USP4: variants seen among roughly 807,000 people sequenced by gnomAD.
USP4 encodes the protein ubiquitin carboxyl-terminal hydrolase 4.
A neutral mutation model predicts 118.2 loss-of-function variants in USP4; 72 were observed. The ratio of observed to expected loss-of-function variants is 0.61; its 90% CI spans 0.50 to 0.74. The LOEUF is 0.74. USP4 is among the 30% of genes least tolerant of loss of function. USP4 has a pLI of 0.00. For synonymous variants in USP4, 415 were observed against 440.4 expected, an observed-to-expected ratio of 0.94 and a Z score of 0.72; for missense variants, 1,037 against 1,185.7, an observed-to-expected ratio of 0.87 and a Z score of 1.84.
At position 49,311,625 on chromosome 3, in the gene USP4, G is replaced by A. The variant is rs1559473760; in HGVS notation, c.725C>T (p.Thr242Ile). The A allele has an allele frequency of 6.2e-7, 1 of 1,613,968 alleles. No homozygotes were observed. Among genetic ancestry groups the A allele is most frequent in the Non-Finnish European group, 8.5e-7 (1 of 1,179,912 alleles). The part of the protein sequence containing the change: ...KSSTAPSRNF[T>I]TSPKSSASPY... The stretch of plus-strand genomic sequence containing the variant: ...ACTTGCTGATGATTTTGGAGAGGTA[G>A]TAAAATTTCTGCTAGGCGCAGTGCT... Residue 242 changes from threonine to isoleucine, a missense_variant, in exon 7 of 22, where the codon ACT becomes ATT. This residue lies in a region of USP4 where 487 missense variants were observed against 534.1 expected (regional missense o/e 0.91). Coordinates refer to ENST00000265560, the MANE Select transcript of USP4 (RefSeq NM_003363.4).
chr3:49,290,802 A>G (rs1188297573), intron 15 of USP4, among the ~76,000 whole-genome samples: 3 of 152,038 alleles, frequency 2.0e-5, no homozygotes, highest in South Asian at 4.2e-4. Flanking sequence ...GGCATGAGCC[A>G]TCGCACCCGT....
At position 49,286,165 on chromosome 3, in the gene USP4, A is replaced by G. The variant is rs765621253; in HGVS notation, c.2133T>C (p.Leu711=). The change falls in exon 16 of 22, where the codon CTT becomes CTC. Residue 711 remains leucine, a synonymous_variant. Transcript: ENST00000265560. Reference sequence around the variant, plus strand: ...TGTCAGCTGTTCCATAGGAGTTCACAAGACTGAAGGTAAAAAGCCTTTTTG... The same window carrying G: ...TGTCAGCTGTTCCATAGGAGTTCACGAGACTGAAGGTAAAAAGCCTTTTTG... ...PCPKRLFTFS[L]VNSYGTADIN... is the part of the protein sequence containing the mutation. 1 of 1,614,202 alleles carries G rather than the reference A, an allele frequency of 6.2e-7. No homozygotes were observed. The highest frequency in any genetic ancestry group is 1.1e-5 in the South Asian group (1 of 91,086).
Position 49,311,552 on chromosome 3 carries a change from A to C in USP4, c.798T>G (p.Thr266=), listed in dbSNP as rs1412051647. 6.2e-7 allele frequency: 1 copy of C among 1,613,774 alleles called. No individual in the cohort carries two copies. The highest frequency in any genetic ancestry group is 1.3e-5 in the African/African-American group (1 of 74,938). ...SASLIANGDS[T]STCGMHSSGV... Reference sequence around the variant, plus strand: ...CGGAACTGTGCATCCCACAGGTGCTAGTGCTATCACCATTTGCAATGAGAG... The same window carrying C: ...CGGAACTGTGCATCCCACAGGTGCTCGTGCTATCACCATTTGCAATGAGAG... The change falls in exon 7 of 22, where the codon ACT becomes ACG. Residue 266 remains threonine (T), a synonymous_variant. Transcript: ENST00000265560.
intron 13 of USP4, among the ~76,000 whole-genome samples, chr3:49,296,671 A>C (rs1333573516): frequency 6.6e-6 from 1 of 152,238 alleles, no homozygotes; most frequent in African/African-American, 2.4e-5. Context: ...AAAATAAAAT[A>C]AAAATACCAG....
intron 10 of USP4, 65 bp downstream of exon 10, chr3:49,302,319 C>A: frequency 6.4e-7 from 1 of 1,566,070 alleles, no homozygotes; most frequent in Non-Finnish European, 8.7e-7. Flanking sequence ...GAAGAATATC[C>A]CTGCACTCTC....
intron 10 of USP4, 148 bp downstream of exon 10, chr3:49,302,236 A>G: frequency 2.8e-6 from 2 of 716,526 alleles, no homozygotes; most frequent in Non-Finnish European, 4.2e-6. Context: ...CCCCTTTCTG[A>G]CCAGAGACCA....
At chr3:49,295,055 C>T (rs1041255108) in intron 13 of USP4, among the ~76,000 whole-genome samples, 1 of 152,034 alleles carries the variant, frequency 6.6e-6, no homozygotes, top group African/African-American at 2.4e-5. Flanking sequence ...TTTGGGAGGC[C>T]AAGGCGGGCG....
chr3:49,296,372 G>A (rs1005974771), intron 13 of USP4, among the ~76,000 whole-genome samples: 2 of 151,828 alleles, frequency 1.3e-5, no homozygotes, highest in Non-Finnish European at 2.9e-5. Context: ...GATGCTGGCC[G>A]AGCACAGTGG....
intron 4 of USP4, among the ~76,000 whole-genome samples, chr3:49,325,247 G>A (rs1026308106): frequency 3.3e-5 from 5 of 151,964 alleles, no homozygotes; most frequent in South Asian, 2.1e-4. Flanking sequence ...CTTTGCTAAC[G>A]TGTGTCTCTC....
chr3:49,300,360 G>C, intron 11 of USP4, 107 bp downstream of exon 11: 1 of 989,498 alleles, frequency 1.0e-6, no homozygotes, highest in Non-Finnish European at 1.6e-6. Context: ...ACCCAGGCAA[G>C]TACCAAGGGG....
chr3:49,327,284 T>C (rs2047565788), intron 3 of USP4, among the ~76,000 whole-genome samples: 2 of 151,598 alleles, frequency 1.3e-5, no homozygotes, highest in Admixed American at 6.6e-5. Context: ...ACGCCTGTAA[T>C]CCCACCACTT....
chr3:49,311,315 CAGG>C (rs1361313091), intron 7 of USP4, among the ~76,000 whole-genome samples, 196 bp downstream of exon 7: 3 of 152,174 alleles, frequency 2.0e-5, no homozygotes, highest in Non-Finnish European at 4.4e-5. Context: ...CACCAGCTCA[CAGG>C]AGGACAAGCA....
rs1239635244 is a variant in USP4 at position 49,285,570 on chromosome 3, CAG to C, written c.2200+526_2200+527del. On this transcript the variant is annotated intron_variant, in intron 16 of 21. Coordinates refer to ENST00000265560, the MANE Select transcript of USP4 (RefSeq NM_003363.4). ...GTGAGGTGGGAAGGGAGCTGAAAGA[CAG>C]AGATGCTTCTCCTCCCCTAACTGGC... is the stretch of plus-strand genomic sequence containing the variant. Among the ~76,000 whole-genome samples, 30 of 152,072 alleles carry C rather than the reference CAG, an allele frequency of 2.0e-4. No homozygotes were observed. In the South Asian group the frequency reaches 6.0e-3, roughly 30 times the overall value.
In USP4 at chr3:49,285,029, TC is replaced by T. The variant is rs911472735; in HGVS notation, c.2201-111del. On this transcript the variant is annotated intron_variant, in intron 16 of 21. Coordinates refer to ENST00000265560, the MANE Select transcript of USP4 (RefSeq NM_003363.4). ...CTCAGGCCACACCATCAACACCTTC[TC>T]CCCCATCAGCAGCCAGTGTCAAGAG... 1.9e-4 allele frequency: 145 copies of T among 764,500 alleles called. No individual in the cohort carries two copies. In the Admixed American group the frequency reaches 3.1e-3, roughly 16 times the overall value. 47.4% of individuals were successfully genotyped at this position (764,500 alleles called of 1,614,324 possible). A position where few individuals can be genotyped will look rare whatever the true frequency, so the allele number is the denominator to read the frequency against.
chr3:49,290,634 C>T (rs1283201055), intron 15 of USP4, among the ~76,000 whole-genome samples: 1 of 152,202 alleles, frequency 6.6e-6, no homozygotes, highest in Non-Finnish European at 1.5e-5. Context: ...CGTGCTTCAG[C>T]CTCCCAAGTA....
rs187039775 is a variant in USP4, at chr3:49,299,150, C to T, written c.1513-515G>A. Among the ~76,000 whole-genome samples, 333 of 152,166 alleles carry T rather than the reference C, an allele frequency of 2.2e-3. 1 individual carries two copies. Among genetic ancestry groups the T allele is most frequent in the Non-Finnish European group, 3.9e-3 (264 of 68,008 alleles). ...TGTCACACAAGCTGGAGCGCAGTGA[C>T]GCGATCTTGGCTCACTGCAACCTCC... On this transcript the variant is annotated intron_variant, in intron 11 of 21. Coordinates refer to ENST00000265560, the MANE Select transcript of USP4 (RefSeq NM_003363.4).
At chr3:49,331,172 T>C (rs1351815734) in intron 2 of USP4, among the ~76,000 whole-genome samples, 2 of 143,388 alleles carry the variant, frequency 1.4e-5, no homozygotes, top group African/African-American at 5.3e-5. Flanking sequence ...AAAACAAAAT[T>C]AGCTGGGCGT....
intron 1 of USP4, among the ~76,000 whole-genome samples, chr3:49,335,886 C>T (rs561363053): frequency 2.6e-5 from 4 of 151,978 alleles, no homozygotes; most frequent in Non-Finnish European, 4.4e-5. Flanking sequence ...TTCTTTTAGA[C>T]GGAGTCTTGT....
intron 15 of USP4, among the ~76,000 whole-genome samples, chr3:49,286,572 C>A (rs565975850): frequency 1.3e-5 from 2 of 152,106 alleles, no homozygotes; most frequent in African/African-American, 4.8e-5. Context: ...GAGCCACCTG[C>A]AGGCACAATG....
Sources: allele counts gnomAD v4.1 joint callset (sites outside exome capture counted in the v4.1 genomes callset), GRCh38; gene constraint gnomAD v4.1.1; regional missense constraint gnomAD v4.1.1; transcripts MANE v1.5; gene names NCBI Gene and HGNC (gene_info 2026-07-23, HGNC 2026-07-21).